Variants in PRKACB observed in about 807,000 individuals in gnomAD.
The protein encoded by PRKACB is protein kinase cAMP-activated catalytic subunit beta.
In PRKACB, 16 loss-of-function variants were observed where a neutral mutation model predicts 51.4. The ratio of observed to expected loss-of-function variants is 0.31; its 90% confidence interval spans 0.21 to 0.47. The LOEUF (loss-of-function observed/expected upper bound fraction) is 0.47. PRKACB is among the 20% of genes least tolerant of loss of function. The pLI, the probability that PRKACB is intolerant of heterozygous loss-of-function variation, is 1.00. For synonymous variants in PRKACB, 147 were observed against 154.4 expected (o/e 0.95, Z 0.35); for missense variants, 309 against 464.5 (o/e 0.67, Z 3.08).
At chr1:84,179,339 G>C (rs1344049320) in intron 2 of PRKACB, 101 bp downstream of exon 2, 16 of 1,318,734 alleles carry the variant, frequency 1.2e-5, no homozygotes, top group Non-Finnish European at 1.5e-5. Context: ...TAATTTTCAT[G>C]TGGTGTTAGT....
chr1:84,084,364 A>G (rs753480503), intron 1 of PRKACB, among the ~76,000 whole-genome samples: 25 of 152,136 alleles, frequency 1.6e-4, no homozygotes, highest in Non-Finnish European at 1.3e-4. Context: ...AACTGAAGAA[A>G]TGGACAGAGG....
At chr1:84,207,485 C>T (rs1425698890) in intron 8 of PRKACB, among the ~76,000 whole-genome samples, 1 of 152,126 alleles carries the variant, frequency 6.6e-6, no homozygotes, top group African/African-American at 2.4e-5. Context: ...GTTATTATGC[C>T]TGTTGAAAAA....
chr1:84,213,997 G>C (rs1426943330), intron 8 of PRKACB, among the ~76,000 whole-genome samples, 156 bp from the exon 9 acceptor site: 2 of 152,026 alleles, frequency 1.3e-5, no homozygotes, highest in Non-Finnish European at 2.9e-5. Flanking sequence ...GCTACTGTGG[G>C]GACTGTAACA....
chr1:84,129,764 G>C (rs1651988735), intron 1 of PRKACB, among the ~76,000 whole-genome samples: 1 of 152,148 alleles, frequency 6.6e-6, no homozygotes, highest in Admixed American at 6.5e-5. Context: ...GAAAGACTTT[G>C]AAAAGTAAAT....
intron 9 of PRKACB, among the ~76,000 whole-genome samples, chr1:84,221,516 G>A (rs531443146): frequency 2.6e-5 from 4 of 151,580 alleles, no homozygotes; most frequent in African/African-American, 9.7e-5. Flanking sequence ...CTAGTTCCTT[G>A]AGGTACGTTA....
intron 1 of PRKACB, among the ~76,000 whole-genome samples, chr1:84,168,819 G>T (rs1402655320): frequency 6.6e-6 from 1 of 151,512 alleles, no homozygotes; most frequent in Non-Finnish European, 1.5e-5. Flanking sequence ...GCTATAGTGG[G>T]ACAACCAAGA....
chr1:84,144,462 C>T lies in PRKACB; in HGVS notation c.101C>T (p.Ser34Phe), dbSNP rs1418328861. The change falls in exon 1 of 10, where the codon TCT (serine) becomes TTT (phenylalanine). Residue 34 changes from serine (S) to phenylalanine (F), a missense_variant. Physicochemically the swap from Ser to Phe is radical, Grantham distance 155. Coordinates refer to ENST00000370685, the MANE Select transcript of PRKACB (RefSeq NM_182948.4). ...GCTAGCCGGTTATTTCATAGACACT[C>T]TAAAGGTACTGCACATGATCAGAAA... ...GFASRLFHRH[S>F]KGTAHDQKTA... 6 of 1,612,704 alleles carry T rather than the reference C, an allele frequency of 3.7e-6. No individual in the cohort carries two copies. In the South Asian group the frequency reaches 6.6e-5, roughly 18 times the overall value.
chr1:84,174,639 G>A (rs1285057404), intron 1 of PRKACB, among the ~76,000 whole-genome samples: 1 of 151,850 alleles, frequency 6.6e-6, no homozygotes, highest in Admixed American at 6.6e-5. Context: ...AAGAAACCAG[G>A]TGTTATAATG....
intron 1 of PRKACB, among the ~76,000 whole-genome samples, chr1:84,159,269 G>T (rs1571891845): frequency 1.3e-5 from 2 of 152,034 alleles, no homozygotes; most frequent in South Asian, 4.1e-4. Context: ...TGGAATCCAT[G>T]AACATGAAAT....
intron 7 of PRKACB, among the ~76,000 whole-genome samples, chr1:84,201,087 G>A (rs1027681990): frequency 6.6e-6 from 1 of 151,842 alleles, no homozygotes; most frequent in African/African-American, 2.4e-5. Flanking sequence ...GAATTACTGG[G>A]TCAAGGAATA....
At chr1:84,136,489 A>AT (rs1557999564) in intron 1 of PRKACB, among the ~76,000 whole-genome samples, 336 of 64,334 alleles carry the variant, frequency 5.2e-3, no homozygotes, top group African/African-American at 0.014. Context: ...AACGGCCAAA[A>AT]CCACACACAC....
At chr1:84,164,917 C>T (rs1571935718) in intron 1 of PRKACB, 4 of 1,503,214 alleles carry the variant, frequency 2.7e-6, no homozygotes, top group South Asian at 2.7e-5. Flanking sequence ...TTTACACCAT[C>T]GGTTCTTCTC....
chr1:84,226,269 T>G (rs1161337909), intron 9 of PRKACB, among the ~76,000 whole-genome samples: 2 of 54,640 alleles, frequency 3.7e-5, no homozygotes, highest in Non-Finnish European at 3.2e-4. Flanking sequence ...GTTTGTGGGT[T>G]TTTTGTTTTT....
intron 1 of PRKACB, among the ~76,000 whole-genome samples, chr1:84,110,042 A>C (rs1255777118): frequency 1.3e-5 from 2 of 151,792 alleles, no homozygotes; most frequent in African/African-American, 4.8e-5. Flanking sequence ...TTCTTCCCCA[A>C]AGTGCATGTG....
chr1:84,214,065 T>C (rs1400128917), intron 8 of PRKACB, 88 bp from the exon 9 acceptor site: 2 of 1,343,288 alleles, frequency 1.5e-6, no homozygotes, highest in Non-Finnish European at 2.0e-6. Flanking sequence ...TAATGGCTTG[T>C]TGCCTTGAAA....
At chr1:84,204,883 C>G (rs1671088442) in intron 8 of PRKACB, 3 of 983,204 alleles carry the variant, frequency 3.1e-6, no homozygotes, top group Non-Finnish European at 3.6e-6. Context: ...ATTTGCCAAT[C>G]ATTCTCTATT....
At chr1:84,229,186 G>A (rs1572578414) in intron 9 of PRKACB, among the ~76,000 whole-genome samples, 1 of 146,082 alleles carries the variant, frequency 6.8e-6, no homozygotes, top group African/African-American at 2.6e-5. Flanking sequence ...GCAGTGTTTG[G>A]TTTTTTGTTC....
intron 1 of PRKACB, among the ~76,000 whole-genome samples, chr1:84,165,288 G>T (rs752386040): frequency 6.6e-6 from 1 of 151,756 alleles, no homozygotes. Flanking sequence ...GTTATTAATT[G>T]TGTTATAAAT....
At chr1:84,135,500 GC>G (rs1452463950) in intron 1 of PRKACB, among the ~76,000 whole-genome samples, 1 of 152,062 alleles carries the variant, frequency 6.6e-6, no homozygotes, top group Non-Finnish European at 1.5e-5. Context: ...GCTTATAGGA[GC>G]ATTTACCAAG....
Sources: gnomAD v4.1 joint callset for allele counts (sites outside exome capture counted in the v4.1 genomes callset) on GRCh38, gnomAD v4.1.1 for gene constraint, MANE v1.5 for transcripts, NCBI Gene and HGNC (gene_info 2026-07-23, HGNC 2026-07-21) for gene names.